The following PKP2 variants were observed in gnomAD, a reference collection of about 807,000 sequenced individuals.
The protein encoded by PKP2 is plakophilin 2.
Under a neutral mutation model 83.4 loss-of-function variants are expected in PKP2, and 73 were observed. The observed-to-expected ratio is 0.88, with a 90% CI of 0.72 to 1.06. The LOEUF (loss-of-function observed/expected upper bound fraction) is 1.06, where lower values mean the gene tolerates loss of function less well. PKP2 is among the 50% of genes least tolerant of loss of function. The pLI, the probability that PKP2 is intolerant of heterozygous loss-of-function variation, is 0.00. For missense variants in PKP2, 966 were observed against 1,065.4 expected (o/e 0.91, Z 1.30); for synonymous variants, 409 against 430.4 (o/e 0.95, Z 0.62).
chr12:32,880,620 G>A (rs549812452), intron 1 of PKP2, among the ~76,000 whole-genome samples: 1 of 152,274 alleles, frequency 6.6e-6, no homozygotes, highest in African/African-American at 2.4e-5. Context: ...CCACTCTCAT[G>A]AAAACACAGA....
intron 3 of PKP2, among the ~76,000 whole-genome samples, chr12:32,876,777 G>A (rs906505607): frequency 2.2e-4 from 34 of 152,150 alleles, no homozygotes; most frequent in Non-Finnish European, 5.9e-5. Flanking sequence ...TGATTCGCTC[G>A]CCTGGGCATC....
chr12:32,882,261 T>C (rs1243380445), intron 1 of PKP2, among the ~76,000 whole-genome samples: 2 of 152,196 alleles, frequency 1.3e-5, no homozygotes, highest in Non-Finnish European at 2.9e-5. Flanking sequence ...AATGGCAAAG[T>C]ACTAATGGTC....
At chr12:32,869,561 T>A (rs1402476324) in intron 3 of PKP2, among the ~76,000 whole-genome samples, 8 of 150,546 alleles carry the variant, frequency 5.3e-5, no homozygotes, top group Admixed American at 5.3e-4. Flanking sequence ...ATAGTGCCAC[T>A]TCACTCCAGT....
At chr12:32,835,017 A>T (rs1417370275) in intron 6 of PKP2, among the ~76,000 whole-genome samples, 1 of 78,174 alleles carries the variant, frequency 1.3e-5, no homozygotes, top group Non-Finnish European at 3.1e-5. Flanking sequence ...GTGTGTGTCT[A>T]GGAGGGTATG....
intron 4 of PKP2, among the ~76,000 whole-genome samples, chr12:32,868,647 C>G (rs965190372): frequency 7.2e-5 from 11 of 152,164 alleles, no homozygotes; most frequent in South Asian, 2.1e-4. Context: ...CTCAGCCTCT[C>G]GAGTAGCTGG....
At chr12:32,869,258 T>C (rs1956877930) in intron 3 of PKP2, among the ~76,000 whole-genome samples, 196 bp from the exon 4 acceptor site, 1 of 151,940 alleles carries the variant, frequency 6.6e-6, no homozygotes, top group Non-Finnish European at 1.5e-5. Context: ...TCTTCAGCTT[T>C]GATCAGATAG....
At chr12:32,827,694 A>G (rs1192653492) in intron 6 of PKP2, among the ~76,000 whole-genome samples, 5 of 152,228 alleles carry the variant, frequency 3.3e-5, no homozygotes, top group African/African-American at 1.2e-4. Context: ...CAAAACTGTA[A>G]GTGAAATATA....
At chr12:32,880,663 A>G (rs755635254) in intron 1 of PKP2, among the ~76,000 whole-genome samples, 5 of 152,184 alleles carry the variant, frequency 3.3e-5, no homozygotes, top group Non-Finnish European at 7.3e-5. Flanking sequence ...AGCTCTGTGA[A>G]GCCTACAGGG....
chr12:32,870,544 T>C (rs1455531336), intron 3 of PKP2, among the ~76,000 whole-genome samples: 1 of 152,146 alleles, frequency 6.6e-6, no homozygotes, highest in Non-Finnish European at 1.5e-5. Flanking sequence ...CTATTACCAC[T>C]AAAACTAGAA....
chr12:32,834,715 G>A (rs1172522567), intron 6 of PKP2, among the ~76,000 whole-genome samples: 7 of 151,824 alleles, frequency 4.6e-5, no homozygotes, highest in Non-Finnish European at 8.8e-5. Flanking sequence ...GGGGGGAGGA[G>A]GGAAGAAAGA....
At chr12:32,824,579 C>T (rs1956415551) in intron 6 of PKP2, among the ~76,000 whole-genome samples, 1 of 152,174 alleles carries the variant, frequency 6.6e-6, no homozygotes, top group Non-Finnish European at 1.5e-5. Context: ...TGCTCTGGGC[C>T]TCAGTTTCCT....
At position 32,880,045 on chromosome 12, in the gene PKP2, A is replaced by G. The variant is rs547045425; in HGVS notation, c.224-1013T>C. ...GGCAGGAATTCGGAAGCTTCTTGTA[A>G]TAAGCAGGTGTAGGCAATAAATATA... On this transcript the variant is annotated intron_variant, in intron 1 of 12. Coordinates refer to ENST00000340811, the MANE Select transcript of PKP2 (RefSeq NM_001005242.3). 2.0e-5 allele frequency among the ~76,000 whole-genome samples: 3 copies of G among 151,514 alleles called. No homozygotes were observed. The Admixed American group carries it at 2.0e-4, about 10-fold the overall frequency.
intron 4 of PKP2, among the ~76,000 whole-genome samples, chr12:32,853,809 C>G (rs1956722093): frequency 6.6e-6 from 1 of 152,212 alleles, no homozygotes; most frequent in South Asian, 2.1e-4. Flanking sequence ...CCGCGCCCAG[C>G]TGGCTTCCTC....
intron 9 of PKP2, among the ~76,000 whole-genome samples, chr12:32,817,927 G>A (rs769182833): frequency 6.6e-6 from 1 of 152,116 alleles, no homozygotes; most frequent in Non-Finnish European, 1.5e-5. Flanking sequence ...AGTGACATTA[G>A]ATTCTCATGG....
intron 1 of PKP2, among the ~76,000 whole-genome samples, chr12:32,882,068 C>T (rs2137963354): frequency 6.6e-6 from 1 of 152,266 alleles, no homozygotes; most frequent in South Asian, 2.1e-4. Flanking sequence ...AGAGTGCTTA[C>T]ACTATCCCCA....
At chr12:32,893,683 T>C (rs1957095083) in intron 1 of PKP2, 2 of 152,208 alleles carry the variant, frequency 1.3e-5, no homozygotes, top group Admixed American at 1.3e-4. Flanking sequence ...AAACGCTTTG[T>C]TCCTTAGTTG....
intron 9 of PKP2, 117 bp from the exon 10 acceptor site, chr12:32,802,673 T>C: frequency 1.1e-6 from 1 of 939,336 alleles, no homozygotes; most frequent in Non-Finnish European, 1.7e-6. Context: ...TATTTATTTA[T>C]TTTGAGACAA....
At chr12:32,824,187 AAAGT>A in intron 6 of PKP2, 25 bp from the exon 7 acceptor site, 1 of 1,464,040 alleles carries the variant, frequency 6.8e-7, no homozygotes, top group Non-Finnish European at 9.5e-7. Flanking sequence ...AAAAAACAAA[AAAGT>A]AAGTCTAGGC....
At chr12:32,889,669 C>A (rs919951562) in intron 1 of PKP2, among the ~76,000 whole-genome samples, 1 of 152,166 alleles carries the variant, frequency 6.6e-6, no homozygotes, top group Non-Finnish European at 1.5e-5. Context: ...CACATACATG[C>A]TTTTGTCTTG....
Sources: allele counts gnomAD v4.1 joint callset (sites outside exome capture counted in the v4.1 genomes callset), GRCh38; gene constraint gnomAD v4.1.1; transcripts MANE v1.5; gene names NCBI Gene and HGNC (gene_info 2026-07-23, HGNC 2026-07-21).